The following SIDT1 variants were observed in gnomAD, a reference collection of about 807,000 sequenced individuals.
The protein encoded by SIDT1 is SID1 transmembrane family member 1.
SIDT1 carries 101 observed loss-of-function variants against 107.5 expected under a neutral mutation model. The observed-to-expected ratio is 0.94, with a 90% CI of 0.80 to 1.11. SIDT1 has a LOEUF of 1.11. Among genes scored for constraint, SIDT1 ranks in the 50% least tolerant of loss-of-function variants. SIDT1 has a pLI of 0.00. For missense variants in SIDT1, 1,076 were observed against 1,058.2 expected (o/e 1.02, Z -0.23); for synonymous variants, 395 against 398.2 (o/e 0.99, Z 0.10).
At chr3:113,593,994 G>T (rs2614194) in intron 10 of SIDT1, among the ~76,000 whole-genome samples, 1 of 152,114 alleles carries the variant, frequency 6.6e-6, no homozygotes, top group African/African-American at 2.4e-5. Context: ...AGTGCTCATA[G>T]GTTATTTGGC....
chr3:113,626,241 A>G, intron 24 of SIDT1, 26 bp downstream of exon 24: 1 of 1,463,502 alleles, frequency 6.8e-7, no homozygotes, highest in Non-Finnish European at 9.6e-7. Context: ...TCTTTTTGTG[A>G]CTTTCTTCTC....
At chr3:113,579,627 G>A (rs569163928) in intron 4 of SIDT1, among the ~76,000 whole-genome samples, 2 of 152,090 alleles carry the variant, frequency 1.3e-5, no homozygotes, top group African/African-American at 4.8e-5. Context: ...TTATTAAAAA[G>A]GATTCCATTT....
intron 15 of SIDT1, 132 bp from the exon 16 acceptor site, chr3:113,607,962 G>C: frequency 1.9e-6 from 2 of 1,072,590 alleles, no homozygotes; most frequent in Non-Finnish European, 1.3e-6. Context: ...ATACTTTTCT[G>C]ATCTTGAAAC....
chr3:113,536,155 T>A (rs1938134218), intron 1 of SIDT1, among the ~76,000 whole-genome samples: 1 of 152,210 alleles, frequency 6.6e-6, no homozygotes, highest in South Asian at 2.1e-4. Context: ...TTTGTCACTA[T>A]CTTCTTGGCC....
chr3:113,558,165 G>A (rs1261653843), intron 1 of SIDT1, among the ~76,000 whole-genome samples: 2 of 152,142 alleles, frequency 1.3e-5, no homozygotes, highest in Non-Finnish European at 2.9e-5. Flanking sequence ...GAGTAACAAG[G>A]AGCCTTTATA....
intron 13 of SIDT1, 129 bp from the exon 14 acceptor site, chr3:113,604,781 A>T: frequency 1.0e-6 from 1 of 983,460 alleles, no homozygotes; most frequent in South Asian, 1.5e-5. Context: ...GAACCACATA[A>T]TCAGCTTCTG....
intron 14 of SIDT1, among the ~76,000 whole-genome samples, chr3:113,605,559 T>A (rs2107686050): frequency 6.6e-6 from 1 of 152,350 alleles, no homozygotes. Flanking sequence ...ATGATATCTA[T>A]CCACTGCATC....
intron 1 of SIDT1, among the ~76,000 whole-genome samples, chr3:113,541,710 A>G (rs942971687): frequency 4.6e-5 from 7 of 152,110 alleles, no homozygotes; most frequent in African/African-American, 1.7e-4. Flanking sequence ...TTTGTACTTG[A>G]AGGTCTGTTT....
chr3:113,541,942 T>A (rs1576697354), intron 1 of SIDT1, among the ~76,000 whole-genome samples: 1 of 143,050 alleles, frequency 7.0e-6, no homozygotes, highest in Non-Finnish European at 1.5e-5. Flanking sequence ...TTTTTTTTTT[T>A]AGATGGAGTC....
chr3:113,583,690 C>G (rs1049089006), intron 7 of SIDT1, among the ~76,000 whole-genome samples, 194 bp downstream of exon 7: 2 of 152,178 alleles, frequency 1.3e-5, no homozygotes, highest in Non-Finnish European at 2.9e-5. Context: ...ATTATCGATA[C>G]TACAAAATAT....
chr3:113,561,909 A>T (rs1941464571), intron 1 of SIDT1, among the ~76,000 whole-genome samples: 1 of 152,244 alleles, frequency 6.6e-6, no homozygotes, highest in Non-Finnish European at 1.5e-5. Flanking sequence ...AAAGGGAGGC[A>T]GACAAACTCC....
intron 10 of SIDT1, among the ~76,000 whole-genome samples, chr3:113,597,557 T>C (rs1450925324): frequency 6.6e-6 from 1 of 151,414 alleles, no homozygotes; most frequent in East Asian, 1.9e-4. Context: ...TGGCTCCCTC[T>C]TCAGCTTCCA....
intron 1 of SIDT1, among the ~76,000 whole-genome samples, chr3:113,549,985 T>C (rs898691411): frequency 1.3e-5 from 2 of 152,218 alleles, no homozygotes; most frequent in African/African-American, 4.8e-5. Flanking sequence ...TCTAGCATCA[T>C]TTGTTGAAAA....
At chr3:113,574,868 A>G (rs1942775304) in intron 3 of SIDT1, among the ~76,000 whole-genome samples, 1 of 152,186 alleles carries the variant, frequency 6.6e-6, no homozygotes, top group Non-Finnish European at 1.5e-5. Flanking sequence ...TTCTTTCTCT[A>G]AAACTAACAA....
intron 3 of SIDT1, among the ~76,000 whole-genome samples, chr3:113,569,011 G>A (rs1024854162): frequency 6.6e-6 from 1 of 151,840 alleles, no homozygotes; most frequent in African/African-American, 2.4e-5. Context: ...ATGGTGGCAG[G>A]CGCCTGTTGT....
intron 18 of SIDT1, among the ~76,000 whole-genome samples, chr3:113,611,556 C>T (rs1301500827): frequency 6.6e-6 from 1 of 152,200 alleles, no homozygotes; most frequent in Non-Finnish European, 1.5e-5. Flanking sequence ...CTCCTGACCT[C>T]ATGATCTGCC....
intron 17 of SIDT1, among the ~76,000 whole-genome samples, chr3:113,609,058 CTTTTTTT>C (rs11453487): frequency 2.0e-4 from 17 of 86,686 alleles, no homozygotes; most frequent in Admixed American, 1.8e-3. Context: ...TGAGCCCATT[CTTTTTTT>C]TTTTTTTTTT....
At position 113,599,970 on chromosome 3, in the gene SIDT1, G is replaced by A. The variant is rs150177131; in HGVS notation, c.1046-1618G>A. Among the ~76,000 whole-genome samples, 653 of 152,200 alleles carry A rather than the reference G, an allele frequency of 4.3e-3. 4 individuals are homozygous for A. The highest frequency in any genetic ancestry group is 0.015 in the African/African-American group (610 of 41,526). ...ATAGCAATCATTTCACTATGTGCAC[G>A]TAATATCAAAACATCATGTTGTACA... On this transcript the variant is annotated intron_variant, in intron 10 of 24. Coordinates refer to ENST00000264852, the MANE Select transcript of SIDT1 (RefSeq NM_017699.3).
chr3:113,602,946 G>A (rs990336319), intron 11 of SIDT1, 59 bp from the exon 12 acceptor site: 118 of 1,579,220 alleles, frequency 7.5e-5, no homozygotes, highest in Non-Finnish European at 9.9e-5. Flanking sequence ...TTGCAGAGAC[G>A]AATGGGCTCC....
Sources: allele counts gnomAD v4.1 joint callset (sites outside exome capture counted in the v4.1 genomes callset), GRCh38; gene constraint gnomAD v4.1.1; transcripts MANE v1.5; gene names NCBI Gene and HGNC (gene_info 2026-07-23, HGNC 2026-07-21).